CPSF4: variants seen among roughly 807,000 people sequenced by gnomAD.
CPSF4 encodes the protein cleavage and polyadenylation specificity factor subunit 4.
In CPSF4, 11 loss-of-function variants were observed where a neutral mutation model predicts 37.7. That is an observed-to-expected ratio of 0.29 (90% confidence interval 0.18 to 0.48). CPSF4 has a LOEUF of 0.48. CPSF4 is among the 20% of genes least tolerant of loss of function. CPSF4 has a pLI of 0.99. For missense variants in CPSF4, 144 were observed against 359.5 expected (o/e 0.40, Z 4.85); for synonymous variants, 132 against 135.9 (o/e 0.97, Z 0.20).
chr7:99,456,384 AGTG>A, intron 7 of CPSF4, 45 bp from the exon 8 acceptor site: 1 of 1,559,484 alleles, frequency 6.4e-7, no homozygotes, highest in Non-Finnish European at 8.8e-7. Flanking sequence ...GCATTTGAAC[AGTG>A]TTGTTGTCTG....
At chr7:99,444,021 A>G (rs960860539) in intron 1 of CPSF4, among the ~76,000 whole-genome samples, 4 of 152,200 alleles carry the variant, frequency 2.6e-5, no homozygotes, top group African/African-American at 9.6e-5. Flanking sequence ...TCTCAGAGGC[A>G]CTGCCTCTTC....
chr7:99,440,674 A>ATATATATATATATTTTTTTT, intron 1 of CPSF4, among the ~76,000 whole-genome samples: 18 of 88,084 alleles, frequency 2.0e-4, no homozygotes, highest in South Asian at 1.7e-3. Flanking sequence ...ATATATATAT[A>ATATATATATATATTTTTTTT]TTTTTTTTTT....
At chr7:99,451,388 C>T (rs1268886939) in intron 5 of CPSF4, among the ~76,000 whole-genome samples, 1 of 152,136 alleles carries the variant, frequency 6.6e-6, no homozygotes, top group Non-Finnish European at 1.5e-5. Flanking sequence ...AGGCGGATCA[C>T]GAGGTCAGGA....
In CPSF4 at chr7:99,438,973, G is replaced by T; in HGVS notation, c.-110G>T. On this transcript the variant is annotated 5_prime_UTR_variant, in exon 1 of 8. Transcript: ENST00000292476. ...CCCTCGGGCGGCGGCGGCGGCGGCG[G>T]CGAGGCGAAGCGAAGGAGGAGTGTG... 7.6e-7 allele frequency: 1 copy of T among 1,323,624 alleles called. No individual in the cohort carries two copies. 82.0% of individuals were successfully genotyped at this position (1,323,624 alleles called of 1,614,324 possible).
intron 1 of CPSF4, among the ~76,000 whole-genome samples, chr7:99,439,865 G>A (rs1228495667): frequency 6.6e-6 from 1 of 152,100 alleles, no homozygotes; most frequent in African/African-American, 2.4e-5. Flanking sequence ...CTCATCCCTA[G>A]TTTTTGGCCC....
intron 3 of CPSF4, among the ~76,000 whole-genome samples, chr7:99,449,751 G>C (rs1797804479): frequency 2.0e-5 from 3 of 152,238 alleles, no homozygotes. Flanking sequence ...ACCTTCTCTA[G>C]GCTGAGTGGT....
intron 7 of CPSF4, among the ~76,000 whole-genome samples, chr7:99,454,932 G>A (rs1270638652): frequency 6.6e-6 from 1 of 152,160 alleles, no homozygotes; most frequent in Non-Finnish European, 1.5e-5. Context: ...GTGCACGCCT[G>A]TAGTCCCAGC....
chr7:99,439,442 T>A, intron 1 of CPSF4: 2 of 388,368 alleles, frequency 5.1e-6, no homozygotes, highest in Non-Finnish European at 9.2e-6. Flanking sequence ...CACTCCATCC[T>A]GAGACCTCCT....
intron 1 of CPSF4, 52 bp downstream of exon 1, chr7:99,439,237 G>T (rs752388475): frequency 2.1e-5 from 28 of 1,342,714 alleles, no homozygotes; most frequent in South Asian, 6.5e-5. Flanking sequence ...CCCGGGACCC[G>T]CTCCTCTGTG....
chr7:99,443,111 T>G (rs1224119591), intron 1 of CPSF4: 1 of 847,846 alleles, frequency 1.2e-6, no homozygotes, highest in South Asian at 1.3e-5. Context: ...GACAGACTTT[T>G]GTTGGAACTG....
chr7:99,439,569 A>G (rs572482923), intron 1 of CPSF4: 1 of 191,484 alleles, frequency 5.2e-6, no homozygotes, highest in African/African-American at 2.3e-5. Context: ...ACTGCCTCGG[A>G]TCTTTGGCCC....
At chr7:99,456,169 A>G (rs1798293660) in intron 7 of CPSF4, among the ~76,000 whole-genome samples, 1 of 152,206 alleles carries the variant, frequency 6.6e-6, no homozygotes. Flanking sequence ...GCAGGTCGCT[A>G]GCAGGTCGCC....
At chr7:99,442,599 A>C (rs1225715856) in intron 1 of CPSF4, among the ~76,000 whole-genome samples, 2 of 139,690 alleles carry the variant, frequency 1.4e-5, no homozygotes, top group Non-Finnish European at 3.0e-5. Context: ...CAGAGCCTGC[A>C]GTGAGCCGAG....
At chr7:99,443,528 AATTGT>A (rs1797210172) in intron 1 of CPSF4, 11 of 680,124 alleles carry the variant, frequency 1.6e-5, no homozygotes, top group Non-Finnish European at 2.7e-5. Flanking sequence ...CTCTTTTAAT[AATTGT>A]ATGTGGGGTG....
At position 99,440,682 on chromosome 7, in the gene CPSF4, T is replaced by TTTTTTTTTG. The variant is rs1562853028; in HGVS notation, c.103+1505_103+1506insGTTTTTTTT. On this transcript the variant is annotated intron_variant, in intron 1 of 7. Coordinates refer to ENST00000292476, the MANE Select transcript of CPSF4 (RefSeq NM_006693.4). ...TATATATATATATATATATTTTTTT[T>TTTTTTTTTG]TTTTTTTTTTTCCTGCCTGTCCCAC... 4.5e-4 allele frequency among the ~76,000 whole-genome samples: 45 copies of TTTTTTTTTG among 99,792 alleles called. 3 individuals carry two copies. Among genetic ancestry groups the TTTTTTTTTG allele is most frequent in the African/African-American group, 2.8e-3 (45 of 15,876 alleles). The allele number at this position is 99,792 out of a possible 152,430, so 65.5% of individuals were successfully genotyped here.
intron 5 of CPSF4, among the ~76,000 whole-genome samples, chr7:99,451,566 C>T (rs45592335): frequency 0.061 from 9,238 of 152,324 alleles, 328 homozygotes; most frequent in African/African-American, 0.11. Context: ...CATCGTGCCA[C>T]TGCACTCCAG....
intron 5 of CPSF4, 78 bp from the exon 6 acceptor site, chr7:99,452,290 G>A: frequency 8.2e-7 from 1 of 1,224,608 alleles, no homozygotes; most frequent in East Asian, 2.3e-5. Flanking sequence ...GAATTTAAGA[G>A]CATGGCCTGG....
At chr7:99,454,931 T>A (rs1347064390) in intron 7 of CPSF4, among the ~76,000 whole-genome samples, 1 of 152,144 alleles carries the variant, frequency 6.6e-6, no homozygotes, top group Non-Finnish European at 1.5e-5. Flanking sequence ...GGTGCACGCC[T>A]GTAGTCCCAG....
chr7:99,450,227 G>A (rs1322731464), intron 3 of CPSF4, 49 bp from the exon 4 acceptor site: 1 of 1,458,624 alleles, frequency 6.9e-7, no homozygotes, highest in Non-Finnish European at 9.6e-7. Context: ...AGCCAAGGTG[G>A]GCCTGGCCCC....
Sources: allele counts gnomAD v4.1 joint callset (sites outside exome capture counted in the v4.1 genomes callset), GRCh38; gene constraint gnomAD v4.1.1; transcripts MANE v1.5; gene names NCBI Gene and HGNC (gene_info 2026-07-23, HGNC 2026-07-21).